DCLK1: variants seen among roughly 807,000 people sequenced by gnomAD.
The protein encoded by DCLK1 is serine/threonine-protein kinase DCLK1.
In DCLK1, 16 loss-of-function variants were observed where a neutral mutation model predicts 86.2. The observed-to-expected ratio is 0.19, with a 90% CI of 0.13 to 0.28. DCLK1 has a LOEUF of 0.28. DCLK1 is among the 10% of genes least tolerant of loss of function. The pLI is 1.00. For synonymous variants in DCLK1, 369 were observed against 370.5 expected (o/e 1.00, Z 0.05); for missense variants, 590 against 940.2 (o/e 0.63, Z 4.87).
chr13:35,932,929 T>C (rs1566608908), intron 4 of DCLK1, among the ~76,000 whole-genome samples: 1 of 152,144 alleles, frequency 6.6e-6, no homozygotes, highest in Non-Finnish European at 1.5e-5. Context: ...CAGTCCAAAG[T>C]CTCATCTGAG....
rs1235269202 is a variant in DCLK1 at position 35,771,059 on chromosome 13, C to T, written c.*3476G>A. Reference sequence around the variant, plus strand: ...GCTCTCCCTCAGCACGATTGAGCTTCAGCGCAAGGGATAGAGTTGTCTAGT... The same window carrying T: ...GCTCTCCCTCAGCACGATTGAGCTTTAGCGCAAGGGATAGAGTTGTCTAGT... On this transcript the variant is annotated 3_prime_UTR_variant, in exon 17 of 17. Coordinates refer to ENST00000360631, the MANE Select transcript of DCLK1 (RefSeq NM_001330071.2). 6.6e-6 allele frequency: 1 copy of T among 152,194 alleles called. No individual in the cohort carries two copies. The highest frequency in any genetic ancestry group is 1.5e-5 in the Non-Finnish European group (1 of 68,032). The allele number at this position is 152,194 out of a possible 1,614,324, so 9.4% of individuals were successfully genotyped here. A position where few individuals can be genotyped will look rare whatever the true frequency, so the allele number is the denominator to read the frequency against.
intron 4 of DCLK1, among the ~76,000 whole-genome samples, chr13:35,895,052 T>C (rs1427758869): frequency 6.6e-6 from 1 of 152,176 alleles, no homozygotes; most frequent in Non-Finnish European, 1.5e-5. Context: ...ACTCAAGTAA[T>C]CCTCTAGCCT....
intron 2 of DCLK1, among the ~76,000 whole-genome samples, chr13:36,123,296 TTAAACAC>T (rs1844033768): frequency 6.6e-6 from 1 of 152,192 alleles, no homozygotes; most frequent in Admixed American, 6.5e-5. Flanking sequence ...TTCCAGCTAT[TTAAACAC>T]TAAGTGCAGC....
intron 5 of DCLK1, among the ~76,000 whole-genome samples, chr13:35,868,022 CT>C (rs548370259): frequency 0.24 from 28,574 of 118,314 alleles, 3,256 homozygotes; most frequent in African/African-American, 0.32. Context: ...ACCTACAGCT[CT>C]TTTTTTTTTT....
chr13:35,774,909 C>T (rs2086397494), intron 16 of DCLK1, among the ~76,000 whole-genome samples: 1 of 152,136 alleles, frequency 6.6e-6, no homozygotes, highest in East Asian at 1.9e-4. Context: ...ATGACATCTG[C>T]AGGCACAGGC....
At chr13:35,799,508 C>G (rs1219628411) in intron 15 of DCLK1, among the ~76,000 whole-genome samples, 1 of 152,156 alleles carries the variant, frequency 6.6e-6, no homozygotes, top group African/African-American at 2.4e-5. Flanking sequence ...GCCTCGGCCT[C>G]CCAAAGTGCT....
Position 36,107,335 on chromosome 13 carries a change from A to ATTTTTT in DCLK1, c.723+4528_723+4533dup, listed in dbSNP as rs10670428. On this transcript the variant is annotated intron_variant, in intron 3 of 16. Coordinates refer to ENST00000360631, the MANE Select transcript of DCLK1 (RefSeq NM_001330071.2). ...CACTCTAGCATGCTAGCAGTGGTAG[A>ATTTTTT]TTTTTTTTTTTTTTTTTTTTTTTTT... Among the ~76,000 whole-genome samples the ATTTTTT allele has an allele frequency of 5.7e-3, 625 of 110,282 alleles. 34 individuals carry two copies. Among genetic ancestry groups the ATTTTTT allele is most frequent in the African/African-American group, 0.02 (535 of 27,348 alleles). 72.3% of individuals were successfully genotyped at this position (110,282 alleles called of 152,430 possible). A position where few individuals can be genotyped will look rare whatever the true frequency, so the allele number is the denominator to read the frequency against.
chr13:35,990,893 G>A (rs946724997), intron 3 of DCLK1, among the ~76,000 whole-genome samples: 2 of 152,120 alleles, frequency 1.3e-5, no homozygotes, highest in African/African-American at 4.8e-5. Context: ...TAGGACTGGA[G>A]AATACAAAAC....
chr13:35,923,274 G>C (rs1033633961), intron 4 of DCLK1, among the ~76,000 whole-genome samples: 4 of 152,122 alleles, frequency 2.6e-5, no homozygotes, highest in South Asian at 4.1e-4. Flanking sequence ...GAGATGCTAA[G>C]GGACCTGCTT....
At chr13:35,847,210 T>A in intron 6 of DCLK1, 1 of 984,316 alleles carries the variant, frequency 1.0e-6, no homozygotes, top group Non-Finnish European at 1.2e-6. Context: ...TCAATTTTTT[T>A]ATAAATCAGT....
At chr13:36,104,595 A>G (rs997458411) in intron 3 of DCLK1, among the ~76,000 whole-genome samples, 3 of 152,122 alleles carry the variant, frequency 2.0e-5, no homozygotes, top group Non-Finnish European at 2.9e-5. Flanking sequence ...ACCTTCAATT[A>G]TCAATGTAAT....
At chr13:36,026,144 A>G (rs759129991) in intron 3 of DCLK1, among the ~76,000 whole-genome samples, 16 of 152,208 alleles carry the variant, frequency 1.1e-4, no homozygotes, top group Non-Finnish European at 1.9e-4. Context: ...GTGCCTGTGA[A>G]CCAGGTATTT....
At chr13:35,795,924 T>TTAA (rs2086799473) in intron 15 of DCLK1, among the ~76,000 whole-genome samples, 1 of 21,458 alleles carries the variant, frequency 4.7e-5, no homozygotes, top group African/African-American at 6.7e-4. Context: ...AAACTCCATC[T>TTAA]CAAAAAAAAA....
At chr13:36,038,572 A>G (rs1882590013) in intron 3 of DCLK1, among the ~76,000 whole-genome samples, 1 of 152,204 alleles carries the variant, frequency 6.6e-6, no homozygotes, top group Non-Finnish European at 1.5e-5. Flanking sequence ...TTTCCAGTAC[A>G]TGTTCCTAAG....
rs563477911 is a variant in DCLK1 at position 36,024,916 on chromosome 13, C to T, written c.724-77459G>A. On this transcript the variant is annotated intron_variant, in intron 3 of 16. Transcript: ENST00000360631. ...AGATCAATGGAATAAAATTGAGAAG[C>T]CAGAAATAAACCTATACATTTATGG... 2.0e-5 allele frequency among the ~76,000 whole-genome samples: 3 copies of T among 151,776 alleles called. No homozygotes were observed. The South Asian group carries it at 6.2e-4, about 32-fold the overall frequency.
intron 13 of DCLK1, among the ~76,000 whole-genome samples, chr13:35,808,792 GAAA>G (rs746173638): frequency 1.7e-5 from 2 of 114,630 alleles, no homozygotes; most frequent in African/African-American, 3.3e-5. Context: ...AAACCAGAAA[GAAA>G]AAAAAAAAAA....
At chr13:35,782,564 T>C (rs918504587) in intron 16 of DCLK1, among the ~76,000 whole-genome samples, 29 of 152,366 alleles carry the variant, frequency 1.9e-4, no homozygotes, top group African/African-American at 6.7e-4. Flanking sequence ...GGATGTTATT[T>C]TAGAGCATCT....
At chr13:35,957,705 T>C (rs183687469) in intron 3 of DCLK1, among the ~76,000 whole-genome samples, 1 of 152,288 alleles carries the variant, frequency 6.6e-6, no homozygotes, top group Admixed American at 6.5e-5. Flanking sequence ...CCAGGAACAT[T>C]TGTAAAGGTC....
At chr13:35,868,165 G>A (rs1055039551) in intron 5 of DCLK1, among the ~76,000 whole-genome samples, 11 of 151,952 alleles carry the variant, frequency 7.2e-5, no homozygotes, top group Non-Finnish European at 1.5e-4. Flanking sequence ...TGGGACTACA[G>A]GCGCCTGCCA....
Sources: gnomAD v4.1 joint callset for allele counts (sites outside exome capture counted in the v4.1 genomes callset) on GRCh38, gnomAD v4.1.1 for gene constraint, MANE v1.5 for transcripts, NCBI Gene and HGNC (gene_info 2026-07-23, HGNC 2026-07-21) for gene names.